PIP5K1B: variants seen among roughly 807,000 people sequenced by gnomAD.
PIP5K1B encodes the protein phosphatidylinositol 4-phosphate 5-kinase type-1 beta.
Under a neutral mutation model 67.0 loss-of-function variants are expected in PIP5K1B, and 42 were observed. That is an observed-to-expected ratio of 0.63 (90% CI 0.49 to 0.81). The LOEUF (loss-of-function observed/expected upper bound fraction) is 0.81, where lower values mean the gene tolerates loss of function less well. PIP5K1B is among the 30% of genes least tolerant of loss of function. PIP5K1B has a pLI of 0.00. For synonymous variants in PIP5K1B, 214 were observed against 231.4 expected, an observed-to-expected ratio of 0.92 and a Z score of 0.68; for missense variants, 459 against 646.3, an observed-to-expected ratio of 0.71 and a Z score of 3.14.
At chr9:68,971,402 C>T (rs1463831327) in intron 14 of PIP5K1B, among the ~76,000 whole-genome samples, 1 of 152,134 alleles carries the variant, frequency 6.6e-6, no homozygotes, top group Non-Finnish European at 1.5e-5. Flanking sequence ...CATTGATGGG[C>T]ATTTCGGTTG....
intron 1 of PIP5K1B, among the ~76,000 whole-genome samples, chr9:68,726,230 C>G (rs1828142792): frequency 6.6e-6 from 1 of 152,148 alleles, no homozygotes; most frequent in Admixed American, 6.5e-5. Flanking sequence ...TCAAAATAAT[C>G]TCATGCGCCC....
chr9:68,852,504 A>C (rs1822543216), intron 4 of PIP5K1B, among the ~76,000 whole-genome samples: 1 of 152,106 alleles, frequency 6.6e-6, no homozygotes, highest in African/African-American at 2.4e-5. Flanking sequence ...GGAAGTAAAC[A>C]CTTTGACCTC....
chr9:68,836,620 T>TACATCTACACACAC (rs1270111284), intron 4 of PIP5K1B, among the ~76,000 whole-genome samples: 4 of 142,686 alleles, frequency 2.8e-5, no homozygotes, highest in African/African-American at 1.0e-4. Context: ...TGTACACACA[T>TACATCTACACACAC]ACATCTACAC....
intron 2 of PIP5K1B, among the ~76,000 whole-genome samples, chr9:68,769,870 G>A (rs1830599000): frequency 6.6e-6 from 1 of 152,170 alleles, no homozygotes; most frequent in South Asian, 2.1e-4. Flanking sequence ...CACCCAGTTG[G>A]AACTTGAAAA....
At chr9:68,778,649 A>T (rs776809773) in intron 2 of PIP5K1B, among the ~76,000 whole-genome samples, 3 of 152,032 alleles carry the variant, frequency 2.0e-5, no homozygotes, top group Non-Finnish European at 4.4e-5. Flanking sequence ...TTCTGCCTCC[A>T]CTCTGGTCTT....
chr9:68,933,879 A>G (rs1175518469), intron 12 of PIP5K1B, among the ~76,000 whole-genome samples: 3 of 152,174 alleles, frequency 2.0e-5, no homozygotes, highest in Admixed American at 2.0e-4. Flanking sequence ...AGTTCTTGCA[A>G]GCAGCCTCTG....
chr9:68,994,522 G>C (rs1234783648), intron 15 of PIP5K1B, among the ~76,000 whole-genome samples: 1 of 152,098 alleles, frequency 6.6e-6, no homozygotes, highest in Non-Finnish European at 1.5e-5. Context: ...TCTCACATCT[G>C]TTTCTGTATC....
intron 2 of PIP5K1B, chr9:68,780,257 C>T (rs1217713532): frequency 4.5e-6 from 7 of 1,555,050 alleles, no homozygotes; most frequent in East Asian, 2.2e-5. Context: ...GCGGCGGGGG[C>T]CTCAGGAGGT....
At chr9:68,931,383 A>G (rs1310290484) in intron 12 of PIP5K1B, among the ~76,000 whole-genome samples, 1 of 152,266 alleles carries the variant, frequency 6.6e-6, no homozygotes. Context: ...TACACTAAGC[A>G]CTGATGATAT....
At chr9:68,798,722 GACATTAA>G (rs1832429022) in intron 2 of PIP5K1B, among the ~76,000 whole-genome samples, 1 of 152,222 alleles carries the variant, frequency 6.6e-6, no homozygotes. Flanking sequence ...GCCATAAGAA[GACATTAA>G]AGGGTTTTAC....
At chr9:68,781,195 C>T in intron 2 of PIP5K1B, 1 of 850,592 alleles carries the variant, frequency 1.2e-6, no homozygotes, top group East Asian at 2.6e-5. Flanking sequence ...TGTCAGGTTC[C>T]TTTGGATACC....
At chr9:68,814,883 C>A (rs781110461) in intron 2 of PIP5K1B, among the ~76,000 whole-genome samples, 5 of 151,988 alleles carry the variant, frequency 3.3e-5, no homozygotes, top group Non-Finnish European at 7.4e-5. Context: ...GATACAGGTT[C>A]GTATTTGTAT....
At chr9:68,740,376 A>G (rs572800914) in intron 1 of PIP5K1B, among the ~76,000 whole-genome samples, 1 of 152,354 alleles carries the variant, frequency 6.6e-6, no homozygotes, top group South Asian at 2.1e-4. Flanking sequence ...AGTAGTTCTA[A>G]TACAGTATGA....
intron 1 of PIP5K1B, among the ~76,000 whole-genome samples, chr9:68,738,930 C>T (rs1828871080): frequency 6.6e-6 from 1 of 152,122 alleles, no homozygotes; most frequent in Non-Finnish European, 1.5e-5. Context: ...AGGCCCATGC[C>T]TCAACATTTC....
At chr9:68,812,674 C>T (rs897281718) in intron 2 of PIP5K1B, among the ~76,000 whole-genome samples, 11 of 152,238 alleles carry the variant, frequency 7.2e-5, no homozygotes, top group Admixed American at 7.2e-4. Flanking sequence ...GAGACTACAA[C>T]TTTGAGTACT....
At chr9:68,972,444 C>T (rs139986025) in intron 14 of PIP5K1B, among the ~76,000 whole-genome samples, 1 of 152,066 alleles carries the variant, frequency 6.6e-6, no homozygotes, top group Non-Finnish European at 1.5e-5. Context: ...AGTTCAAGAC[C>T]AGCCCGGCTA....
intron 1 of PIP5K1B, among the ~76,000 whole-genome samples, chr9:68,735,096 G>T (rs1828658825): frequency 6.6e-6 from 1 of 152,154 alleles, no homozygotes; most frequent in African/African-American, 2.4e-5. Context: ...GATGACAGTG[G>T]TCCTGATCTC....
chr9:68,971,025 A>ACGTATGC (rs1829338048), intron 14 of PIP5K1B, among the ~76,000 whole-genome samples: 1 of 152,154 alleles, frequency 6.6e-6, no homozygotes, highest in South Asian at 2.1e-4. Flanking sequence ...ATTATACTTT[A>ACGTATGC]AGTTCTGGGA....
chr9:68,800,126 A>G (rs1023865392), intron 2 of PIP5K1B, among the ~76,000 whole-genome samples: 3 of 152,228 alleles, frequency 2.0e-5, no homozygotes, highest in Non-Finnish European at 2.9e-5. Flanking sequence ...TGGCCTTCCC[A>G]TATCAGGTTC....
Sources: allele counts gnomAD v4.1 joint callset (sites outside exome capture counted in the v4.1 genomes callset), GRCh38; gene constraint gnomAD v4.1.1; transcripts MANE v1.5; gene names NCBI Gene and HGNC (gene_info 2026-07-23, HGNC 2026-07-21).